Variants in DCC observed in about 807,000 individuals in gnomAD.
DCC encodes DCC netrin 1 receptor, also known as netrin receptor DCC.
Under a neutral mutation model 172.5 loss-of-function variants are expected in DCC, and 58 were observed. That is an observed-to-expected ratio of 0.34 (90% CI 0.27 to 0.42). The LOEUF (loss-of-function observed/expected upper bound fraction) is 0.42. Ranked by LOEUF, DCC falls within the 10% of genes least tolerant of loss-of-function variation. The pLI, the probability that DCC is intolerant of heterozygous loss-of-function variation, is 1.00. For missense variants in DCC, 1,740 were observed against 1,791.0 expected, an observed-to-expected ratio of 0.97 and a Z score of 0.51; for synonymous variants, 709 against 644.5, an observed-to-expected ratio of 1.10 and a Z score of -1.52.
chr18:52,466,140 G>A (rs909513776), intron 1 of DCC, among the ~76,000 whole-genome samples: 11 of 152,124 alleles, frequency 7.2e-5, no homozygotes, highest in African/African-American at 2.2e-4. Context: ...AGGCAGATGT[G>A]TGGCTTGTTG....
At chr18:52,600,712 G>A (rs2033999146) in intron 1 of DCC, among the ~76,000 whole-genome samples, 1 of 116,334 alleles carries the variant, frequency 8.6e-6, no homozygotes, top group Non-Finnish European at 1.9e-5. Context: ...TAAAAATTTT[G>A]CGCATTGTTG....
intron 7 of DCC, among the ~76,000 whole-genome samples, chr18:53,071,555 T>G (rs2042651559): frequency 6.6e-6 from 1 of 152,202 alleles, no homozygotes; most frequent in South Asian, 2.1e-4. Flanking sequence ...AGAGGATGGA[T>G]TCCTGCACAC....
chr18:52,833,614 G>A (rs2038654325), intron 2 of DCC, among the ~76,000 whole-genome samples: 1 of 152,064 alleles, frequency 6.6e-6, no homozygotes, highest in Non-Finnish European at 1.5e-5. Context: ...TTTCTGGTCT[G>A]GAGCCACCAC....
At chr18:53,118,179 C>T (rs911849349) in intron 7 of DCC, among the ~76,000 whole-genome samples, 5 of 151,716 alleles carry the variant, frequency 3.3e-5, no homozygotes, top group Admixed American at 2.6e-4. Flanking sequence ...AAAGAAGGCC[C>T]CCAATAATAT....
At chr18:53,468,071 T>C (rs2045644360) in intron 25 of DCC, 61 bp downstream of exon 25, 2 of 875,394 alleles carry the variant, frequency 2.3e-6, no homozygotes, top group Non-Finnish European at 3.9e-6. Context: ...ATCTTTTCTA[T>C]AAAAAATCAA....
rs1167786270 is a variant in DCC at position 53,066,068 on chromosome 18, T to G, written c.1163T>G (p.Leu388Arg). The change falls in exon 7 of 29, where the codon CTT becomes CGT. Residue 388 changes from leucine to arginine, a missense_variant. Around this residue, in one of 2 missense-constraint regions of DCC, gnomAD observed 1,732 missense variants for 1,767.4 expected, o/e 0.98. Coordinates refer to ENST00000442544, the MANE Select transcript of DCC (RefSeq NM_005215.4). ...QIVGGSNLRI[L>R]GVVKSDEGFY... Reference sequence around the variant, plus strand: ...TAGGGAGGAAGCAACTTACGGATACTTGGGGTGGTGAAGTCAGATGAAGGC... The same window carrying G: ...TAGGGAGGAAGCAACTTACGGATACGTGGGGTGGTGAAGTCAGATGAAGGC... The G allele has an allele frequency of 6.2e-7, 1 of 1,613,304 alleles. No individual in the cohort carries two copies. Among genetic ancestry groups the G allele is most frequent in the Non-Finnish European group, 8.5e-7 (1 of 1,179,572 alleles).
At chr18:53,301,607 A>G (rs2057142847) in intron 12 of DCC, among the ~76,000 whole-genome samples, 1 of 152,094 alleles carries the variant, frequency 6.6e-6, no homozygotes, top group Non-Finnish European at 1.5e-5. Flanking sequence ...CATTCCCTAA[A>G]GACTGCCTTT....
intron 7 of DCC, among the ~76,000 whole-genome samples, chr18:53,114,444 T>A (rs1169716792): frequency 2.6e-5 from 4 of 151,612 alleles, no homozygotes; most frequent in Non-Finnish European, 4.4e-5. Context: ...TAATAGAGTA[T>A]CTCAGTATAA....
intron 11 of DCC, among the ~76,000 whole-genome samples, chr18:53,209,594 G>A (rs1032357888): frequency 4.6e-5 from 7 of 152,090 alleles, no homozygotes; most frequent in Admixed American, 3.3e-4. Flanking sequence ...AGAGAACACA[G>A]GAATAATGCT....
At chr18:52,810,943 G>A (rs937910139) in intron 2 of DCC, among the ~76,000 whole-genome samples, 2 of 152,124 alleles carry the variant, frequency 1.3e-5, no homozygotes, top group African/African-American at 2.4e-5. Context: ...CAGATGGCAC[G>A]TTGTTTCAGC....
intron 1 of DCC, among the ~76,000 whole-genome samples, chr18:52,519,546 C>T (rs1410401704): frequency 6.6e-6 from 1 of 152,108 alleles, no homozygotes; most frequent in Non-Finnish European, 1.5e-5. Context: ...CAATGAGGGA[C>T]AGGCAATGGG....
intron 1 of DCC, among the ~76,000 whole-genome samples, chr18:52,557,851 G>T (rs550581793): frequency 1.3e-5 from 2 of 152,244 alleles, no homozygotes; most frequent in East Asian, 3.9e-4. Flanking sequence ...GTAGAGACTG[G>T]TTTTAGCCAT....
At chr18:52,670,035 A>G (rs1303624422) in intron 1 of DCC, among the ~76,000 whole-genome samples, 4 of 152,256 alleles carry the variant, frequency 2.6e-5, no homozygotes, top group East Asian at 1.9e-4. Context: ...CTCAGAGGAA[A>G]GAGCCAACAC....
rs2046566116 is a variant in DCC, at chr18:53,535,581, T to A, written c.*4928T>A. Reference sequence around the variant, plus strand: ...TAACTAGCCTTAGTGAGAAAAGAAATTTTTTGTTGTTACAAAACACCTTTT... The same window carrying A: ...TAACTAGCCTTAGTGAGAAAAGAAAATTTTTGTTGTTACAAAACACCTTTT... On this transcript the variant is annotated 3_prime_UTR_variant, in exon 29 of 29. Coordinates refer to ENST00000442544, the MANE Select transcript of DCC (RefSeq NM_005215.4). 6.6e-6 allele frequency: 1 copy of A among 152,174 alleles called. No homozygotes were observed. Among genetic ancestry groups the A allele is most frequent in the South Asian group, 2.1e-4 (1 of 4,836 alleles). The allele number at this position is 152,174 out of a possible 1,614,324, so 9.4% of individuals were successfully genotyped here.
chr18:53,534,652 T>G lies in DCC; in HGVS notation c.*3999T>G, dbSNP rs1402485451. 6.6e-6 allele frequency: 1 copy of G among 152,236 alleles called. No individual in the cohort carries two copies. Among genetic ancestry groups the G allele is most frequent in the Non-Finnish European group, 1.5e-5 (1 of 68,032 alleles). 9.4% of individuals were successfully genotyped at this position (152,236 alleles called of 1,614,324 possible). A position where few individuals can be genotyped will look rare whatever the true frequency, so the allele number is the denominator to read the frequency against. On this transcript the variant is annotated 3_prime_UTR_variant, in exon 29 of 29. Coordinates refer to ENST00000442544, the MANE Select transcript of DCC (RefSeq NM_005215.4). Reference sequence around the variant, plus strand: ...TTGGGAAAATCATAGATAGGTGTTTTGTATGATATTCCATTCCAATGCAAA... The same window carrying G: ...TTGGGAAAATCATAGATAGGTGTTTGGTATGATATTCCATTCCAATGCAAA...
chr18:53,253,755 A>T (rs190141023), intron 12 of DCC, among the ~76,000 whole-genome samples: 1 of 152,192 alleles, frequency 6.6e-6, no homozygotes, highest in African/African-American at 2.4e-5. Flanking sequence ...TTAGACTAAG[A>T]CACCTCTCAT....
At position 53,391,831 on chromosome 18, in the gene DCC, G is replaced by T; in HGVS notation, c.2632G>T (p.Val878Leu). ...SVPKNQKTSE[V>L]RLYTVRWRTS... ...CCCTAAGAACCAAAAGACGTCTGAG[G>T]TGCGACTTTACACCGTCCGGTGGAG... The change falls in exon 17 of 29, where the codon GTG becomes TTG. Residue 878 changes from valine (V) to leucine (L), a missense_variant. Val to Leu is a conservative substitution (Grantham distance 32). This residue lies in a region of DCC where 1,732 missense variants were observed against 1,767.4 expected (regional missense o/e 0.98). Transcript: ENST00000442544. The T allele has an allele frequency of 6.2e-7, 1 of 1,613,970 alleles. No individual in the cohort carries two copies.
chr18:52,990,589 A>G (rs1056532527), intron 5 of DCC, among the ~76,000 whole-genome samples: 1 of 150,576 alleles, frequency 6.6e-6, no homozygotes, highest in Admixed American at 6.6e-5. Flanking sequence ...TTTTGCCACA[A>G]TTACAAAAAT....
intron 1 of DCC, among the ~76,000 whole-genome samples, chr18:52,636,382 G>C (rs1433126862): frequency 0.033 from 3 of 92 alleles, no homozygotes; most frequent in African/African-American, 0.071. Context: ...GACTCCACAG[G>C]CAGGGGAAAA....
Sources: gnomAD v4.1 joint callset for allele counts (sites outside exome capture counted in the v4.1 genomes callset) on GRCh38, gnomAD v4.1.1 for gene constraint, gnomAD v4.1.1 regional missense constraint, MANE v1.5 for transcripts, NCBI Gene and HGNC (gene_info 2026-07-23, HGNC 2026-07-21) for gene names.